The following TMEM150C variants were observed in gnomAD, a reference collection of about 807,000 sequenced individuals.
TMEM150C encodes the protein transmembrane protein 150C.
A neutral mutation model predicts 29.9 loss-of-function variants in TMEM150C; 10 were observed. The ratio of observed to expected loss-of-function variants is 0.33; its 90% CI spans 0.21 to 0.57. TMEM150C has a LOEUF of 0.57. Among genes scored for constraint, TMEM150C ranks in the 20% least tolerant of loss-of-function variants. The probability of loss-of-function intolerance (pLI) is 0.88; values close to 1 mark genes in which losing one functional copy is unlikely to be tolerated. For missense variants in TMEM150C, 251 were observed against 303.6 expected, an observed-to-expected ratio of 0.83 and a Z score of 1.29; for synonymous variants, 101 against 112.5, an observed-to-expected ratio of 0.90 and a Z score of 0.64.
At chr4:82,535,933 C>G (rs553090109) in intron 1 of TMEM150C, among the ~76,000 whole-genome samples, 1 of 152,186 alleles carries the variant, frequency 6.6e-6, no homozygotes, top group African/African-American at 2.4e-5. Flanking sequence ...GTAGCACCCC[C>G]CTCCCTGCTG....
At chr4:82,526,629 T>C (rs767610464) in intron 1 of TMEM150C, among the ~76,000 whole-genome samples, 3 of 152,166 alleles carry the variant, frequency 2.0e-5, no homozygotes, top group East Asian at 1.9e-4. Context: ...AATATCTTGC[T>C]CAGGGTCACA....
At chr4:82,531,115 T>C (rs17005763) in intron 1 of TMEM150C, among the ~76,000 whole-genome samples, 2,601 of 152,054 alleles carry the variant, frequency 0.017, 97 homozygotes, top group African/African-American at 0.06. Flanking sequence ...GCAAGGCAGA[T>C]ACAGCAAAAT....
At chr4:82,495,622 C>A in intron 6 of TMEM150C, 1 of 347,776 alleles carries the variant, frequency 2.9e-6, no homozygotes, top group Non-Finnish European at 5.6e-6. Flanking sequence ...CTCCAGCTTT[C>A]CTTGGTCTAT....
chr4:82,520,748 G>A (rs1168319905), intron 1 of TMEM150C, among the ~76,000 whole-genome samples: 1 of 152,180 alleles, frequency 6.6e-6, no homozygotes, highest in Non-Finnish European at 1.5e-5. Flanking sequence ...GCCAGGTGTA[G>A]TGGCAGGTGC....
chr4:82,502,933 T>TAA lies in TMEM150C; in HGVS notation c.135-8_135-7dup. On this transcript the variant is annotated splice_region_variant and splice_polypyrimidine_tract_variant and intron_variant, in intron 3 of 7. Transcript: ENST00000449862. Reference sequence around the variant, plus strand: ...CATGCTTCACACCAGGTTTCCTGGATAATAAAAAAAAAAAACACAGAAGCT... The same window carrying TAA: ...CATGCTTCACACCAGGTTTCCTGGATAAAATAAAAAAAAAAAACACAGAAGCT... The TAA allele has an allele frequency of 6.3e-7, 1 of 1,583,694 alleles. No homozygotes were observed. The highest frequency in any genetic ancestry group is 8.6e-7 in the Non-Finnish European group (1 of 1,165,534).
At chr4:82,501,941 G>A (rs1430762926) in intron 5 of TMEM150C, among the ~76,000 whole-genome samples, 2 of 152,168 alleles carry the variant, frequency 1.3e-5, no homozygotes, top group African/African-American at 4.8e-5. Flanking sequence ...GAACACCATT[G>A]TGGGAAGGAT....
At chr4:82,513,543 G>A (rs1216302524) in intron 1 of TMEM150C, among the ~76,000 whole-genome samples, 1 of 151,812 alleles carries the variant, frequency 6.6e-6, no homozygotes, top group African/African-American at 2.4e-5. Flanking sequence ...AATCTGGTGT[G>A]TGCCAACAAA....
At chr4:82,498,018 AT>A (rs11338487) in intron 5 of TMEM150C, among the ~76,000 whole-genome samples, 97,715 of 148,632 alleles carry the variant, frequency 0.66, 33,486 homozygotes, top group African/African-American at 0.88. Flanking sequence ...AGCACACTTA[AT>A]TTTTTTTTTT....
Position 82,485,629 on chromosome 4 carries a change from A to G in TMEM150C, c.632T>C (p.Phe211Ser). 6.2e-7 allele frequency: 1 copy of G among 1,610,268 alleles called. No homozygotes were observed. The highest frequency in any genetic ancestry group is 8.5e-7 in the Non-Finnish European group (1 of 1,178,268). The part of the protein sequence containing the change: ...VMCFLSYFGT[F>S]AVEFRHYRYE... Reference sequence around the variant, plus strand: ...GCGGTAATGCCGGAACTCCACGGCAAAGGTGCCAAAATAAGACAGGAAGCA... The same window carrying G: ...GCGGTAATGCCGGAACTCCACGGCAGAGGTGCCAAAATAAGACAGGAAGCA... Residue 211 changes from phenylalanine (F) to serine (S), a missense_variant, in exon 8 of 8, where the codon TTT (phenylalanine) becomes TCT (serine). By Grantham distance (155) the Phe-to-Ser change is radical (BLOSUM62 -2). Coordinates refer to ENST00000449862, the MANE Select transcript of TMEM150C (RefSeq NM_001080506.3).
At chr4:82,492,792 C>CAAAAAA (rs1192509650) in intron 6 of TMEM150C, among the ~76,000 whole-genome samples, 1 of 51,888 alleles carries the variant, frequency 1.9e-5, no homozygotes, top group Non-Finnish European at 3.7e-5. Flanking sequence ...TCCACTTCTC[C>CAAAAAA]AAAAAAAAAA....
At chr4:82,496,924 C>T (rs923646681) in intron 5 of TMEM150C, among the ~76,000 whole-genome samples, 3 of 152,194 alleles carry the variant, frequency 2.0e-5, no homozygotes, top group African/African-American at 7.2e-5. Flanking sequence ...TGTATTTTAA[C>T]ATAGCAGATT....
chr4:82,547,108 C>A (rs538043848), intron 1 of TMEM150C, among the ~76,000 whole-genome samples: 1 of 152,196 alleles, frequency 6.6e-6, no homozygotes, highest in African/African-American at 2.4e-5. Flanking sequence ...AGTAAACAGA[C>A]AACCTACAGA....
chr4:82,551,570 G>C (rs184801102), intron 1 of TMEM150C, among the ~76,000 whole-genome samples: 24 of 152,298 alleles, frequency 1.6e-4, no homozygotes, highest in East Asian at 5.8e-4. Context: ...AAGTCAGCCA[G>C]GGCCTCATCC....
At chr4:82,560,256 T>A (rs1330083281) in intron 1 of TMEM150C, among the ~76,000 whole-genome samples, 2 of 152,238 alleles carry the variant, frequency 1.3e-5, no homozygotes, top group Admixed American at 1.3e-4. Flanking sequence ...CAGATTGCAT[T>A]CAGCTAATGG....
At chr4:82,544,775 C>CAAAAAAAAAAAAAAAAAAAAAAAAAAA (rs149817695) in intron 1 of TMEM150C, among the ~76,000 whole-genome samples, 1 of 134,636 alleles carries the variant, frequency 7.4e-6, no homozygotes. Flanking sequence ...TAAGACTATG[C>CAAAAAAAAAAAAAAAAAAAAAAAAAAA]AAAAAAAAAC....
At chr4:82,491,661 A>AT (rs1183736189) in intron 6 of TMEM150C, 1 of 509,380 alleles carries the variant, frequency 2.0e-6, no homozygotes, top group East Asian at 3.2e-5. Context: ...GAGAGCGCTA[A>AT]TTTTTTATTT....
intron 1 of TMEM150C, among the ~76,000 whole-genome samples, chr4:82,546,259 CAA>C (rs1195430444): frequency 6.6e-6 from 1 of 152,116 alleles, no homozygotes; most frequent in African/African-American, 2.4e-5. Context: ...TGGAACTAAA[CAA>C]GAGCTGGAAT....
intron 6 of TMEM150C, among the ~76,000 whole-genome samples, chr4:82,494,295 A>C (rs559517008): frequency 2.4e-4 from 36 of 152,332 alleles, no homozygotes; most frequent in Non-Finnish European, 4.0e-4. Context: ...TTACAAATAA[A>C]GTCATTCTTG....
chr4:82,494,288 C>T (rs1376459626), intron 6 of TMEM150C, among the ~76,000 whole-genome samples: 1 of 152,108 alleles, frequency 6.6e-6, no homozygotes, highest in Admixed American at 6.5e-5. Flanking sequence ...GTCTATTTTA[C>T]AAATAAAGTC....
Sources: gnomAD v4.1 joint callset for allele counts (sites outside exome capture counted in the v4.1 genomes callset) on GRCh38, gnomAD v4.1.1 for gene constraint, MANE v1.5 for transcripts, NCBI Gene and HGNC (gene_info 2026-07-23, HGNC 2026-07-21) for gene names.